RBKS: variants seen among roughly 807,000 people sequenced by gnomAD.
RBKS encodes ribokinase.
Under a neutral mutation model 33.9 loss-of-function variants are expected in RBKS, and 33 were observed. The observed-to-expected ratio is 0.97, with a 90% CI of 0.74 to 1.30. RBKS has a LOEUF of 1.30. RBKS is among the 50% of genes most tolerant of loss of function. The pLI is 0.00. For missense variants in RBKS, 361 were observed against 392.6 expected (o/e 0.92, Z 0.68); for synonymous variants, 125 against 143.0 (o/e 0.87, Z 0.90).
intron 7 of RBKS, among the ~76,000 whole-genome samples, chr2:27,823,606 C>CT (rs1678257959): frequency 2.6e-5 from 4 of 152,178 alleles, no homozygotes; most frequent in South Asian, 2.1e-4. Flanking sequence ...ATTACCTTCT[C>CT]TTTATCAGAT....
intron 1 of RBKS, among the ~76,000 whole-genome samples, chr2:27,872,072 G>A (rs1664223407): frequency 6.6e-6 from 1 of 152,174 alleles, no homozygotes; most frequent in African/African-American, 2.4e-5. Context: ...GTGAGCAATG[G>A]GGAGTGGCTG....
At chr2:27,789,717 A>T (rs948658732) in intron 7 of RBKS, among the ~76,000 whole-genome samples, 1 of 151,748 alleles carries the variant, frequency 6.6e-6, no homozygotes, top group Non-Finnish European at 1.5e-5. Flanking sequence ...GGCATCTGCC[A>T]CCACGCCTGG....
At chr2:27,844,545 G>A (rs1274237092) in intron 4 of RBKS, among the ~76,000 whole-genome samples, 1 of 151,736 alleles carries the variant, frequency 6.6e-6, no homozygotes, top group Non-Finnish European at 1.5e-5. Context: ...GGGGTGTGCC[G>A]CCACGCCTGG....
intron 7 of RBKS, among the ~76,000 whole-genome samples, chr2:27,815,676 A>C (rs1678077510): frequency 6.6e-6 from 1 of 152,142 alleles, no homozygotes; most frequent in African/African-American, 2.4e-5. Flanking sequence ...CCATATTATC[A>C]CATCAATGTC....
chr2:27,885,497 A>G (rs1400576330), intron 1 of RBKS, among the ~76,000 whole-genome samples: 2 of 152,004 alleles, frequency 1.3e-5, no homozygotes, highest in African/African-American at 4.8e-5. Flanking sequence ...TTCTTCATCC[A>G]TACTGGACTC....
intron 1 of RBKS, among the ~76,000 whole-genome samples, chr2:27,869,185 T>C (rs1664156447): frequency 6.6e-6 from 1 of 152,146 alleles, no homozygotes; most frequent in Non-Finnish European, 1.5e-5. Context: ...CCTATTTATA[T>C]TTTAGGATTT....
At chr2:27,782,775 A>T in intron 7 of RBKS, 9 of 279,974 alleles carry the variant, frequency 3.2e-5, no homozygotes, top group South Asian at 6.6e-5. Context: ...TTTAATTTTA[A>T]TTTTTTTTTT....
At chr2:27,792,697 C>T (rs1301018701) in intron 7 of RBKS, among the ~76,000 whole-genome samples, 3 of 152,174 alleles carry the variant, frequency 2.0e-5, no homozygotes, top group Admixed American at 2.0e-4. Context: ...ACTGCTGGTT[C>T]ACACTCTGAC....
At chr2:27,888,125 TTTC>T (rs1186257229) in intron 1 of RBKS, among the ~76,000 whole-genome samples, 2 of 151,706 alleles carry the variant, frequency 1.3e-5, no homozygotes, top group Non-Finnish European at 2.9e-5. Flanking sequence ...AAAATTTTCT[TTTC>T]TTTTCTTTTT....
At chr2:27,871,132 A>G (rs1664202586) in intron 1 of RBKS, among the ~76,000 whole-genome samples, 1 of 152,126 alleles carries the variant, frequency 6.6e-6, no homozygotes, top group African/African-American at 2.4e-5. Flanking sequence ...GGCAGGGTCA[A>G]CTCTTCACCA....
At chr2:27,796,786 G>A (rs1179696892) in intron 7 of RBKS, among the ~76,000 whole-genome samples, 1 of 152,194 alleles carries the variant, frequency 6.6e-6, no homozygotes, top group Non-Finnish European at 1.5e-5. Context: ...CCTGGAGCTG[G>A]GTATGGGTCT....
At chr2:27,825,210 T>G (rs1678287510) in intron 7 of RBKS, among the ~76,000 whole-genome samples, 1 of 152,228 alleles carries the variant, frequency 6.6e-6, no homozygotes, top group African/African-American at 2.4e-5. Context: ...TTAGTTTTCT[T>G]ATGTCCCCCC....
intron 1 of RBKS, among the ~76,000 whole-genome samples, chr2:27,868,973 C>T (rs1430169404): frequency 1.3e-5 from 2 of 152,132 alleles, no homozygotes; most frequent in Non-Finnish European, 2.9e-5. Flanking sequence ...TATCAATTCA[C>T]TTAATCATTA....
chr2:27,878,944 A>C (rs1664369233), intron 1 of RBKS, among the ~76,000 whole-genome samples: 1 of 152,238 alleles, frequency 6.6e-6, no homozygotes, highest in East Asian at 1.9e-4. Flanking sequence ...ATAAAACCTA[A>C]GCACCTCAGC....
intron 1 of RBKS, among the ~76,000 whole-genome samples, chr2:27,872,173 G>A (rs1489558198): frequency 6.6e-6 from 1 of 152,170 alleles, no homozygotes; most frequent in Admixed American, 6.5e-5. Flanking sequence ...GTACTGGTCT[G>A]TGGCCCAGGG....
chr2:27,842,641 G>A (rs943762724), intron 5 of RBKS, among the ~76,000 whole-genome samples: 14 of 152,032 alleles, frequency 9.2e-5, no homozygotes, highest in African/African-American at 3.4e-4. Flanking sequence ...CCTTGGACAA[G>A]GGGCTGATTC....
chr2:27,788,955 A>C (rs1050145539), intron 7 of RBKS, among the ~76,000 whole-genome samples: 1 of 152,218 alleles, frequency 6.6e-6, no homozygotes, highest in Non-Finnish European at 1.5e-5. Context: ...AATTCCAATA[A>C]AAATCCCAGC....
chr2:27,828,628 T>A (rs892035411), intron 6 of RBKS, among the ~76,000 whole-genome samples: 2 of 152,180 alleles, frequency 1.3e-5, no homozygotes, highest in African/African-American at 4.8e-5. Context: ...CCAATTACAA[T>A]CTGTAAAATC....
intron 5 of RBKS, among the ~76,000 whole-genome samples, chr2:27,840,424 A>C (rs562952979): frequency 6.6e-6 from 1 of 151,150 alleles, no homozygotes; most frequent in Admixed American, 6.6e-5. Context: ...TCTAAGCTGC[A>C]TCTGGCCGGT....
Sources: gnomAD v4.1 joint callset for allele counts (sites outside exome capture counted in the v4.1 genomes callset) on GRCh38, gnomAD v4.1.1 for gene constraint, MANE v1.5 for transcripts, NCBI Gene and HGNC (gene_info 2026-07-23, HGNC 2026-07-21) for gene names.